Variants in ZNF680 observed in about 807,000 individuals in gnomAD.
ZNF680 encodes zinc finger protein 680.
In ZNF680, 6 loss-of-function variants were observed where a neutral mutation model predicts 12.1. That is an observed-to-expected ratio of 0.49 (90% CI 0.27 to 0.98). ZNF680 has a LOEUF of 0.98. Ranked by LOEUF, ZNF680 falls within the 50% of genes least tolerant of loss-of-function variation. The pLI, the probability that ZNF680 is intolerant of heterozygous loss-of-function variation, is 0.12. For synonymous variants in ZNF680, 170 were observed against 199.3 expected (o/e 0.85, Z 1.24); for missense variants, 561 against 616.3 (o/e 0.91, Z 0.95).
chr7:64,501,020 G>A, the ZNF680 span: 29 of 700,824 alleles, frequency 4.1e-5, no homozygotes, highest in South Asian at 3.8e-4. Flanking sequence ...TGCCCCGGCT[G>A]CTGTAGAAGA....
rs891047795 is a variant in ZNF680, at chr7:64,520,102, C to T, written c.*1059G>A. On this transcript the variant is annotated 3_prime_UTR_variant, in exon 4 of 4. Transcript: ENST00000309683. The stretch of plus-strand genomic sequence containing the variant: ...TCACTCAATATGAAAAGTAAACTAA[C>T]AGGGCCTCTCCACTTAGATTTTCAT... 2.0e-5 allele frequency: 3 copies of T among 151,652 alleles called. No individual in the cohort carries two copies. Among genetic ancestry groups the T allele is most frequent in the African/African-American group, 7.2e-5 (3 of 41,410 alleles). The allele number at this position is 151,652 out of a possible 1,614,324, so 9.4% of individuals were successfully genotyped here. A position where few individuals can be genotyped will look rare whatever the true frequency, so the allele number is the denominator to read the frequency against.
chr7:64,522,493 A>T lies in ZNF680; in HGVS notation c.261T>A (p.Tyr87Ter). The T allele has an allele frequency of 6.7e-7, 1 of 1,487,522 alleles. No homozygotes were observed. The highest frequency in any genetic ancestry group is 8.9e-7 in the Non-Finnish European group (1 of 1,117,566). 92.1% of individuals were successfully genotyped at this position (1,487,522 alleles called of 1,614,324 possible). A position where few individuals can be genotyped will look rare whatever the true frequency, so the allele number is the denominator to read the frequency against. ...GCCAAAGGTCTTCAGTGAAATGAGA[A>T]TATATAACTGAAAGACATAAAAGTA... ...QEMVAKPPVI[Y>*]SHFTEDLWPE... The change falls in exon 4 of 4, where the codon TAT becomes TAA. Residue 87 changes from tyrosine (Y) to a stop codon, truncating the protein, a stop_gained. Coordinates refer to ENST00000309683, the MANE Select transcript of ZNF680 (RefSeq NM_178558.5). LOFTEE classifies it low-confidence loss of function (END_TRUNC).
the ZNF680 span, among the ~76,000 whole-genome samples, chr7:64,511,293 C>A: frequency 6.6e-6 from 1 of 151,810 alleles, no homozygotes; most frequent in Non-Finnish European, 1.5e-5. Context: ...AAAATAAAAC[C>A]TAAAACACAA....
At chr7:64,512,398 A>C in the ZNF680 span, among the ~76,000 whole-genome samples, 1 of 149,232 alleles carries the variant, frequency 6.7e-6, no homozygotes, top group Non-Finnish European at 1.5e-5. Context: ...GGTTGCAGTG[A>C]GCCAAGATCG....
intron 3 of ZNF680, chr7:64,526,339 T>A: frequency 1.6e-6 from 2 of 1,231,166 alleles, no homozygotes; most frequent in Non-Finnish European, 2.0e-6. Flanking sequence ...TAAAGACTTT[T>A]CAAAATAAAA....
chr7:64,527,669 T>C (rs1459042347), intron 3 of ZNF680, among the ~76,000 whole-genome samples: 1 of 151,598 alleles, frequency 6.6e-6, no homozygotes. Context: ...CACTCCGGCC[T>C]GAGCAACAAC....
At chr7:64,513,976 T>C in the ZNF680 span, among the ~76,000 whole-genome samples, 1,760 of 152,244 alleles carry the variant, frequency 0.012, 32 homozygotes, top group Middle Eastern at 0.031. Context: ...TAAGAGCTAG[T>C]AAAAGGTTTT....
At chr7:64,517,395 G>A (rs182615890), downstream of ZNF680, among the ~76,000 whole-genome samples, 15 of 151,836 alleles carry the variant, frequency 9.9e-5, no homozygotes, top group Non-Finnish European at 2.1e-4. Context: ...AGCTTAAATC[G>A]GGAAAAATCA....
the ZNF680 span, among the ~76,000 whole-genome samples, chr7:64,509,488 CAAACGAGACA>C: frequency 6.6e-6 from 1 of 152,216 alleles, no homozygotes; most frequent in African/African-American, 2.4e-5. Flanking sequence ...CATTGGCATT[CAAACGAGACA>C]GAAATTTTAT....
At chr7:64,528,865 C>T (rs1231560629) in intron 3 of ZNF680, among the ~76,000 whole-genome samples, 1 of 152,156 alleles carries the variant, frequency 6.6e-6, no homozygotes, top group African/African-American at 2.4e-5. Context: ...GGAGGCAAAT[C>T]AGCACAATAA....
At position 64,520,387 on chromosome 7, in the gene ZNF680, C is replaced by G. The variant is rs959739911; in HGVS notation, c.*774G>C. The G allele has an allele frequency of 2.6e-5, 4 of 151,716 alleles. No individual in the cohort carries two copies. Among genetic ancestry groups the G allele is most frequent in the Admixed American group, 6.6e-5 (1 of 15,230 alleles). 9.4% of individuals were successfully genotyped at this position (151,716 alleles called of 1,614,324 possible). On this transcript the variant is annotated 3_prime_UTR_variant, in exon 4 of 4. Coordinates refer to ENST00000309683, the MANE Select transcript of ZNF680 (RefSeq NM_178558.5). ...ATAACTCTCCAAAGAATCTTCTACT[C>G]CTTTTAAAGTTATTTACAAATAATC...
intron 3 of ZNF680, among the ~76,000 whole-genome samples, chr7:64,540,027 A>T (rs896268598): frequency 6.6e-6 from 1 of 152,136 alleles, no homozygotes; most frequent in East Asian, 1.9e-4. Context: ...TAAAAGAAAA[A>T]CTGAAAAAAT....
chr7:64,522,027 A>G lies in ZNF680; in HGVS notation c.727T>C (p.Cys243Arg). Residue 243 changes from cysteine (C) to arginine (R), a missense_variant, in exon 4 of 4, where the codon TGT becomes CGT. Cys to Arg is a radical substitution (Grantham distance 180). Transcript: ENST00000309683. ...GAGGATTGGTTAAAGGCTTTGCCAC[A>G]TTCCTCACATTTGTAGGGTTTCTCT... is the stretch of plus-strand genomic sequence containing the variant. Reference protein sequence around the residue: ...MGEKPYKCEECGKAFNQSSTL... With the variant: ...MGEKPYKCEERGKAFNQSSTL... The G allele has an allele frequency of 6.2e-7, 1 of 1,613,180 alleles. No individual in the cohort carries two copies. Among genetic ancestry groups the G allele is most frequent in the Non-Finnish European group, 8.5e-7 (1 of 1,179,594 alleles).
In ZNF680 at chr7:64,521,542, T is replaced by G. The variant is rs1261299964; in HGVS notation, c.1212A>C (p.Lys404Asn). Reference sequence around the variant, plus strand: ...TGCCACATTCTTCACATTTGTAGGGTTTCTCTCCAGTATGAATTCTCATAT... The same window carrying G: ...TGCCACATTCTTCACATTTGTAGGGGTTCTCTCCAGTATGAATTCTCATAT... ...TEHMRIHTGE[K>N]PYKCEECGKA... Residue 404 changes from lysine (K) to asparagine (N), a missense_variant, in exon 4 of 4, where the codon AAA becomes AAC. Lys to Asn is a moderately conservative substitution (Grantham distance 94). Transcript: ENST00000309683. The G allele has an allele frequency of 8.1e-6, 13 of 1,613,106 alleles. No individual in the cohort carries two copies. Among genetic ancestry groups the G allele is most frequent in the Non-Finnish European group, 1.1e-5 (13 of 1,179,790 alleles).
At chr7:64,558,929 A>G (rs369143631) in intron 1 of ZNF680, among the ~76,000 whole-genome samples, 94 of 152,160 alleles carry the variant, frequency 6.2e-4, no homozygotes, top group African/African-American at 2.2e-3. Context: ...AAGAGGAAAG[A>G]GCAAGTGGGA....
chr7:64,536,607 A>C (rs924875106), intron 3 of ZNF680, among the ~76,000 whole-genome samples: 2 of 152,200 alleles, frequency 1.3e-5, no homozygotes, highest in African/African-American at 4.8e-5. Flanking sequence ...AACATTAAGG[A>C]TTACATTGCA....
downstream of ZNF680, among the ~76,000 whole-genome samples, chr7:64,517,566 G>A (rs1486557179): frequency 6.6e-6 from 1 of 151,878 alleles, no homozygotes; most frequent in African/African-American, 2.4e-5. Flanking sequence ...CACACGACAC[G>A]GTAAGAGGGA....
intron 3 of ZNF680, among the ~76,000 whole-genome samples, chr7:64,528,781 G>A (rs535828745): frequency 7.1e-4 from 108 of 152,204 alleles, no homozygotes; most frequent in Non-Finnish European, 1.2e-3. Flanking sequence ...CTAAGAAGTT[G>A]TAAGGCCCCA....
chr7:64,523,870 G>A (rs1791684189), intron 3 of ZNF680, among the ~76,000 whole-genome samples: 1 of 150,632 alleles, frequency 6.6e-6, no homozygotes, highest in Non-Finnish European at 1.5e-5. Context: ...CTGAGATCGC[G>A]CCACTGCACT....
Sources: gnomAD v4.1 joint callset for allele counts (sites outside exome capture counted in the v4.1 genomes callset) on GRCh38, gnomAD v4.1.1 for gene constraint, MANE v1.5 for transcripts, NCBI Gene and HGNC (gene_info 2026-07-23, HGNC 2026-07-21) for gene names.